Variants in DMD observed in about 807,000 individuals in gnomAD.
DMD encodes dystrophin, also known as mutant dystrophin.
DMD carries 63 observed loss-of-function variants against 330.1 expected under a neutral mutation model. The ratio of observed to expected loss-of-function variants is 0.19; its 90% CI spans 0.16 to 0.24. The LOEUF (loss-of-function observed/expected upper bound fraction) is 0.24, where lower values mean the gene tolerates loss of function less well. Ranked by LOEUF, DMD falls within the 10% of genes least tolerant of loss-of-function variation. The probability of loss-of-function intolerance (pLI) is 1.00; values close to 1 mark genes in which losing one functional copy is unlikely to be tolerated. For missense variants in DMD, 3,344 were observed against 2,684.1 expected (o/e 1.25, Z -5.43); for synonymous variants, 1,223 against 959.8 (o/e 1.27, Z -5.07).
intron 43 of DMD, among the ~76,000 whole-genome samples, chrX:32,279,983 C>T (rs331340): frequency 0.16 from 13,871 of 88,039 alleles, 1,543 homozygotes; most frequent in Non-Finnish European, 0.24. Context: ...ATATGTACCC[C>T]ACATATATAT....
At chrX:32,502,604 A>G (rs1021346643) in intron 18 of DMD, among the ~76,000 whole-genome samples, 2 of 112,292 alleles carry the variant, frequency 1.8e-5, no homozygotes, top group African/African-American at 6.5e-5. Flanking sequence ...AGTGTTGACT[A>G]TAACAATGTG....
At chrX:31,829,265 T>C (rs1458191484) in intron 49 of DMD, among the ~76,000 whole-genome samples, 4 of 110,554 alleles carry the variant, frequency 3.6e-5, no homozygotes, top group Non-Finnish European at 5.7e-5. Context: ...AGACTATTTA[T>C]TGGGTACAGT....
chrX:31,972,247 A>G (rs760472711), intron 44 of DMD, among the ~76,000 whole-genome samples: 3 of 111,876 alleles, frequency 2.7e-5, no homozygotes, highest in African/African-American at 9.7e-5. Flanking sequence ...ATAGAAAATA[A>G]CACTGTTACA....
chrX:32,991,333 C>T (rs763772408), intron 2 of DMD, among the ~76,000 whole-genome samples: 4 of 111,107 alleles, frequency 3.6e-5, no homozygotes, highest in African/African-American at 9.8e-5. Context: ...AAACAATACA[C>T]GCTAAATAAT....
intron 61 of DMD, among the ~76,000 whole-genome samples, chrX:31,340,907 G>T (rs1478053279): frequency 8.9e-6 from 1 of 112,070 alleles, no homozygotes; most frequent in Non-Finnish European, 1.9e-5. Context: ...TGACATTTTA[G>T]AGATTAAGGT....
chrX:32,877,428 T>G (rs1199842911), intron 2 of DMD, among the ~76,000 whole-genome samples: 1 of 112,786 alleles, frequency 8.9e-6, no homozygotes, highest in East Asian at 2.8e-4. Flanking sequence ...TTTGTTTATA[T>G]TAGAAAATAT....
At chrX:32,111,573 C>A (rs1226216688) in intron 44 of DMD, among the ~76,000 whole-genome samples, 1 of 111,782 alleles carries the variant, frequency 8.9e-6, no homozygotes, top group Non-Finnish European at 1.9e-5. Flanking sequence ...TCCCTTTAAT[C>A]AAACTTCAGT....
At chrX:32,240,917 C>T in intron 43 of DMD, among the ~76,000 whole-genome samples, 1 of 111,169 alleles carries the variant, frequency 9.0e-6, no homozygotes, top group East Asian at 2.8e-4. Flanking sequence ...CCTTTATTTC[C>T]AGCCCCTCTC....
chrX:31,913,311 T>G (rs780659712), intron 47 of DMD, among the ~76,000 whole-genome samples: 1 of 112,102 alleles, frequency 8.9e-6, no homozygotes, highest in East Asian at 2.8e-4. Context: ...TCGAACTAAC[T>G]ATACAGGATT....
At chrX:32,679,887 G>A (rs1420075007) in intron 9 of DMD, among the ~76,000 whole-genome samples, 2 of 80,923 alleles carry the variant, frequency 2.5e-5, no homozygotes, top group Non-Finnish European at 4.6e-5. Flanking sequence ...TGTTCGTTTC[G>A]CTCTAATATT....
intron 30 of DMD, 83 bp downstream of exon 30, chrX:32,411,669 T>C: frequency 9.0e-7 from 1 of 1,105,332 alleles, no homozygotes; most frequent in Non-Finnish European, 1.2e-6. Flanking sequence ...ACTAGTTGAA[T>C]AAATTTAAAG....
intron 2 of DMD, among the ~76,000 whole-genome samples, chrX:32,967,419 T>G (rs372056399): frequency 4.9e-4 from 55 of 112,144 alleles, no homozygotes; most frequent in African/African-American, 1.8e-3. Flanking sequence ...TGACTGGGAC[T>G]TAATGCCACT....
chrX:31,841,601 C>A (rs1005304203), intron 48 of DMD, among the ~76,000 whole-genome samples: 1 of 111,967 alleles, frequency 8.9e-6, no homozygotes, highest in Admixed American at 9.5e-5. Flanking sequence ...GGGGCTAATG[C>A]AATTGATGAC....
Position 32,833,630 on chromosome X carries a change from G to T in DMD, c.265-10243C>A, listed in dbSNP as rs1455700795. On this transcript the variant is annotated intron_variant, in intron 4 of 78. Coordinates refer to ENST00000357033, the MANE Select transcript of DMD (RefSeq NM_004006.3). ...TGGCAATATAGGATGTAACTTTAACGACAAAAATCAACCCATATAGCCCCA... is the reference window on the plus strand; with the variant it reads ...TGGCAATATAGGATGTAACTTTAACTACAAAAATCAACCCATATAGCCCCA... Among the ~76,000 whole-genome samples the T allele has an allele frequency of 3.0e-5, 3 of 98,419 alleles. No individual in the cohort carries two copies. The South Asian group carries it at 1.4e-3, about 45-fold the overall frequency. 85.5% of individuals were successfully genotyped at this position (98,419 alleles called of 115,157 possible).
chrX:31,966,568 T>C (rs962579092), intron 45 of DMD, among the ~76,000 whole-genome samples: 6 of 111,023 alleles, frequency 5.4e-5, no homozygotes, highest in Non-Finnish European at 1.1e-4. Context: ...CAATATTTAA[T>C]GTAGGTCAAC....
intron 16 of DMD, among the ~76,000 whole-genome samples, chrX:32,559,972 A>G (rs2050797822): frequency 9.0e-6 from 1 of 111,436 alleles, no homozygotes; most frequent in African/African-American, 3.3e-5. Flanking sequence ...ATGTACAAGA[A>G]GAGGCAAATT....
chrX:31,659,564 G>A (rs112945418), intron 53 of DMD, among the ~76,000 whole-genome samples: 1,226 of 101,512 alleles, frequency 0.012, 11 homozygotes, highest in Middle Eastern at 0.025. Flanking sequence ...CTTGAACCCA[G>A]GAGATGGAAG....
At chrX:32,966,901 A>C (rs17330243) in intron 2 of DMD, among the ~76,000 whole-genome samples, 1 of 111,874 alleles carries the variant, frequency 8.9e-6, no homozygotes, top group African/African-American at 3.2e-5. Flanking sequence ...AGAGTGGCCA[A>C]GGTCTTGCAA....
intron 18 of DMD, among the ~76,000 whole-genome samples, chrX:32,506,304 T>C (rs760523683): frequency 2.8e-4 from 31 of 109,739 alleles, no homozygotes; most frequent in African/African-American, 1.0e-3. Flanking sequence ...TTTTTGTACC[T>C]TCTGTTCAAT....
Sources: gnomAD v4.1 joint callset for allele counts (sites outside exome capture counted in the v4.1 genomes callset) on GRCh38, gnomAD v4.1.1 for gene constraint, MANE v1.5 for transcripts, NCBI Gene and HGNC (gene_info 2026-07-23, HGNC 2026-07-21) for gene names.